NCAM2: variants seen among roughly 807,000 people sequenced by gnomAD.
NCAM2 encodes neural cell adhesion molecule 2.
Under a neutral mutation model 98.1 loss-of-function variants are expected in NCAM2, and 30 were observed. That is an observed-to-expected ratio of 0.31 (90% CI 0.23 to 0.41). The LOEUF (loss-of-function observed/expected upper bound fraction) is 0.41. Ranked by LOEUF, NCAM2 falls within the 10% of genes least tolerant of loss-of-function variation. The pLI is 1.00. For missense variants in NCAM2, 867 were observed against 1,005.8 expected (o/e 0.86, Z 1.87); for synonymous variants, 368 against 342.4 (o/e 1.07, Z -0.83).
chr21:21,332,410 A>G (rs2074740993), intron 6 of NCAM2, among the ~76,000 whole-genome samples: 1 of 152,120 alleles, frequency 6.6e-6, no homozygotes, highest in African/African-American at 2.4e-5. Flanking sequence ...TACTGATGCA[A>G]TATTATTCTA....
chr21:21,143,998 A>G (rs1204578206), intron 1 of NCAM2, among the ~76,000 whole-genome samples: 3 of 151,904 alleles, frequency 2.0e-5, no homozygotes, highest in African/African-American at 7.3e-5. Flanking sequence ...CATACCTTTC[A>G]TCTTTTAAAA....
At chr21:21,370,587 G>A (rs1328151074) in intron 8 of NCAM2, among the ~76,000 whole-genome samples, 2 of 151,420 alleles carry the variant, frequency 1.3e-5, no homozygotes, top group South Asian at 4.2e-4. Flanking sequence ...ACCCAGCAAA[G>A]TGTCTATTAC....
At chr21:21,425,358 T>A (rs553892965) in intron 11 of NCAM2, among the ~76,000 whole-genome samples, 94 of 152,264 alleles carry the variant, frequency 6.2e-4, no homozygotes, top group Non-Finnish European at 5.9e-4. Context: ...CTCTTCAAAA[T>A]TTTTTTCTGG....
intron 5 of NCAM2, among the ~76,000 whole-genome samples, chr21:21,293,059 C>T (rs1436249530): frequency 6.6e-6 from 1 of 151,830 alleles, no homozygotes; most frequent in Non-Finnish European, 1.5e-5. Context: ...ATGGGGAAAA[C>T]CGCCTCCATG....
chr21:21,242,166 T>A (rs2071088722), intron 1 of NCAM2, among the ~76,000 whole-genome samples: 1 of 150,792 alleles, frequency 6.6e-6, no homozygotes, highest in Admixed American at 6.6e-5. Context: ...AAAAGAAACC[T>A]CCCTATTGTC....
chr21:21,154,279 A>G (rs1370458726), intron 1 of NCAM2, among the ~76,000 whole-genome samples: 3 of 151,948 alleles, frequency 2.0e-5, no homozygotes, highest in Non-Finnish European at 4.4e-5. Context: ...AAAAAGTTTT[A>G]TGAGCTTTGG....
At chr21:21,476,990 C>A (rs889448743) in intron 14 of NCAM2, among the ~76,000 whole-genome samples, 1 of 151,304 alleles carries the variant, frequency 6.6e-6, no homozygotes, top group Non-Finnish European at 1.5e-5. Flanking sequence ...GGCCAAAAAA[C>A]TAACTGATAT....
Position 21,286,361 on chromosome 21 carries a change from C to G in NCAM2, c.430C>G (p.Pro144Ala). 1 of 1,612,452 alleles carries G rather than the reference C, an allele frequency of 6.2e-7. No homozygotes were observed. The highest frequency in any genetic ancestry group is 8.5e-7 in the Non-Finnish European group (1 of 1,179,006). ...VVCRVSSSPAPAVSWLYHNEE... is the reference protein window; with the variant it reads ...VVCRVSSSPAAAVSWLYHNEE... ...TTGCCGAGTTAGCAGTTCACCTGCA[C>G]CTGCTGTCAGCTGGTTGTATCATAA... Residue 144 changes from proline to alanine, a missense_variant, in exon 4 of 18, where the codon CCT becomes GCT. Physicochemically the swap from Pro to Ala is conservative, Grantham distance 27 (BLOSUM62 -1). Transcript: ENST00000400546.
chr21:21,002,798 A>T (rs2064043437), intron 1 of NCAM2, among the ~76,000 whole-genome samples: 1 of 152,138 alleles, frequency 6.6e-6, no homozygotes. Flanking sequence ...TATACTTCTG[A>T]AGGGACTATC....
intron 1 of NCAM2, among the ~76,000 whole-genome samples, chr21:21,208,891 C>A (rs930599975): frequency 5.3e-5 from 8 of 151,908 alleles, no homozygotes. Context: ...TTTCTTTGTT[C>A]TATGTTCAAT....
intron 1 of NCAM2, among the ~76,000 whole-genome samples, chr21:21,159,229 AAG>A (rs1396551322): frequency 2.0e-5 from 3 of 152,320 alleles, no homozygotes; most frequent in East Asian, 1.9e-4. Flanking sequence ...TTATTACAAA[AAG>A]AGTCAAATTT....
chr21:21,458,924 A>T (rs1037538302), intron 12 of NCAM2, among the ~76,000 whole-genome samples: 1 of 152,194 alleles, frequency 6.6e-6, no homozygotes, highest in Non-Finnish European at 1.5e-5. Context: ...ATAAAATAGG[A>T]GATCATATTT....
At chr21:21,442,105 C>A (rs1338032460) in intron 12 of NCAM2, among the ~76,000 whole-genome samples, 1 of 152,116 alleles carries the variant, frequency 6.6e-6, no homozygotes, top group African/African-American at 2.4e-5. Flanking sequence ...AATTCTTTTT[C>A]TGGTTTTTAG....
At chr21:21,088,416 G>A (rs980309575) in intron 1 of NCAM2, among the ~76,000 whole-genome samples, 2 of 152,100 alleles carry the variant, frequency 1.3e-5, no homozygotes. Flanking sequence ...ATGGCCGTAG[G>A]TTTTTAAGAA....
intron 8 of NCAM2, 127 bp from the exon 9 acceptor site, chr21:21,373,736 C>T (rs750330860): frequency 1.2e-6 from 1 of 813,172 alleles, no homozygotes; most frequent in African/African-American, 1.8e-5. Context: ...ATACTTTCTA[C>T]ATCAGGAACA....
chr21:21,104,256 A>G (rs1176217925), intron 1 of NCAM2, among the ~76,000 whole-genome samples: 1 of 152,148 alleles, frequency 6.6e-6, no homozygotes, highest in African/African-American at 2.4e-5. Context: ...GTTGTTTTCA[A>G]GTTATAATCG....
intron 12 of NCAM2, among the ~76,000 whole-genome samples, chr21:21,452,168 CCACA>C (rs10591491): frequency 0.15 from 21,075 of 144,770 alleles, 1,499 homozygotes; most frequent in Admixed American, 0.15. Context: ...TGTGAACTGA[CCACA>C]CACACACACA....
chr21:21,049,317 A>G (rs528820846), intron 1 of NCAM2, among the ~76,000 whole-genome samples: 6 of 152,330 alleles, frequency 3.9e-5, no homozygotes, highest in Admixed American at 6.5e-5. Flanking sequence ...ATATGCTGAT[A>G]CAATTAAACT....
At position 21,128,244 on chromosome 21, in the gene NCAM2, G is replaced by GT. The variant is rs71195303; in HGVS notation, c.55+129638dup. Among the ~76,000 whole-genome samples the GT allele has an allele frequency of 4.2e-3, 625 of 149,988 alleles. 5 individuals are homozygous for GT. Among genetic ancestry groups the GT allele is most frequent in the African/African-American group, 0.014 (589 of 40,882 alleles). On this transcript the variant is annotated intron_variant, in intron 1 of 17. Transcript: ENST00000400546. The stretch of plus-strand genomic sequence containing the variant: ...TATAGAGTGAATGAGATTTGTGAGG[G>GT]TTTTTTTTTTTTCTTTTAAGCAAAG...
Sources: allele counts gnomAD v4.1 joint callset (sites outside exome capture counted in the v4.1 genomes callset), GRCh38; gene constraint gnomAD v4.1.1; transcripts MANE v1.5; gene names NCBI Gene and HGNC (gene_info 2026-07-23, HGNC 2026-07-21).